Variants in STX7 observed in about 807,000 individuals in gnomAD.
STX7 encodes the protein syntaxin 7, also known as syntaxin-7.
In STX7, 34 loss-of-function variants were observed where a neutral mutation model predicts 39.6. The observed-to-expected ratio is 0.86, with a 90% CI of 0.65 to 1.14. The LOEUF is 1.14. Ranked by LOEUF, STX7 falls within the 50% of genes most tolerant of loss-of-function variation. The probability of loss-of-function intolerance (pLI) is 0.00; values close to 1 mark genes in which losing one functional copy is unlikely to be tolerated. For missense variants in STX7, 284 were observed against 310.4 expected (o/e 0.92, Z 0.64); for synonymous variants, 119 against 99.1 (o/e 1.20, Z -1.19).
chr6:132,500,096 C>T (rs1222684188), intron 2 of STX7, among the ~76,000 whole-genome samples: 3 of 152,212 alleles, frequency 2.0e-5, no homozygotes, highest in African/African-American at 4.8e-5. Context: ...TGCAAGCCAG[C>T]ATCCGAGCTC....
intron 1 of STX7, among the ~76,000 whole-genome samples, chr6:132,504,924 C>G (rs1033457978): frequency 1.3e-5 from 2 of 152,196 alleles, no homozygotes; most frequent in East Asian, 3.9e-4. Flanking sequence ...ACCCAGAGCA[C>G]GTGGAAAGGC....
rs535833825 is a variant in STX7 at position 132,445,994 on chromosome 6, T to G, written c.*14764A>C. 6.6e-6 allele frequency: 1 copy of G among 152,302 alleles called. No homozygotes were observed. The highest frequency in any genetic ancestry group is 1.9e-4 in the East Asian group (1 of 5,190). The allele number at this position is 152,302 out of a possible 1,614,324, so 9.4% of individuals were successfully genotyped here. A position where few individuals can be genotyped will look rare whatever the true frequency, so the allele number is the denominator to read the frequency against. ...TGTTCAAGGTTTCTAAAATTCTCAA[T>G]TCAGCCCTGGATACAAAAACTCTAA... On this transcript the variant is annotated 3_prime_UTR_variant, in exon 10 of 10. Coordinates refer to ENST00000367941, the MANE Select transcript of STX7 (RefSeq NM_003569.3).
rs1774327931 is a variant in STX7 at position 132,459,339 on chromosome 6, C to G, written c.*1419G>C. 2 of 152,252 alleles carry G rather than the reference C, an allele frequency of 1.3e-5. 1 individual carries two copies. Among genetic ancestry groups the G allele is most frequent in the Middle Eastern group, 6.8e-3 (2 of 294 alleles). The allele number at this position is 152,252 out of a possible 1,614,324, so 9.4% of individuals were successfully genotyped here. A position where few individuals can be genotyped will look rare whatever the true frequency, so the allele number is the denominator to read the frequency against. On this transcript the variant is annotated 3_prime_UTR_variant, in exon 10 of 10. Coordinates refer to ENST00000367941, the MANE Select transcript of STX7 (RefSeq NM_003569.3). ...ACCAGTCTGACAAAGTAGGTAAAAT[C>G]GATGACACCCTAAAATAAAAACCTG...
At chr6:132,511,067 G>A (rs1775834649) in intron 1 of STX7, among the ~76,000 whole-genome samples, 1 of 152,140 alleles carries the variant, frequency 6.6e-6, no homozygotes, top group Admixed American at 6.5e-5. Flanking sequence ...AGTTCTGAGG[G>A]GTGGGGGGTG....
At chr6:132,478,957 T>C (rs903877516) in intron 2 of STX7, among the ~76,000 whole-genome samples, 1 of 152,176 alleles carries the variant, frequency 6.6e-6, no homozygotes, top group Non-Finnish European at 1.5e-5. Flanking sequence ...GACACTACAT[T>C]AGTCCAATAC....
intron 1 of STX7, among the ~76,000 whole-genome samples, chr6:132,511,813 G>A (rs1775852463): frequency 6.6e-6 from 1 of 152,084 alleles, no homozygotes; most frequent in Non-Finnish European, 1.5e-5. Flanking sequence ...GACTTACTGT[G>A]AATATTTTCT....
intron 2 of STX7, among the ~76,000 whole-genome samples, chr6:132,486,113 T>A (rs1030308442): frequency 1.3e-5 from 2 of 152,220 alleles, no homozygotes; most frequent in African/African-American, 4.8e-5. Flanking sequence ...AAATTGTAGA[T>A]TCCATCAGAT....
intron 1 of STX7, among the ~76,000 whole-genome samples, chr6:132,505,757 A>AAAAAAAAAAAAC (rs1562341409): frequency 6.9e-6 from 1 of 144,914 alleles, no homozygotes; most frequent in Non-Finnish European, 1.5e-5. Flanking sequence ...AAAAAAAAAA[A>AAAAAAAAAAAAC]AAAAAAACAC....
rs1488365076 is a variant in STX7 at position 132,446,027 on chromosome 6, G to A, written c.*14731C>T. Reference sequence around the variant, plus strand: ...TGGATACAAAAACTCTAAACACAGAGGGTTAAGGTATTAAAGATGAAAGCT... The same window carrying A: ...TGGATACAAAAACTCTAAACACAGAAGGTTAAGGTATTAAAGATGAAAGCT... On this transcript the variant is annotated 3_prime_UTR_variant, in exon 10 of 10. Transcript: ENST00000367941. 2 of 152,138 alleles carry A rather than the reference G, an allele frequency of 1.3e-5. No individual in the cohort carries two copies. The highest frequency in any genetic ancestry group is 4.8e-5 in the African/African-American group (2 of 41,440). 9.4% of individuals were successfully genotyped at this position (152,138 alleles called of 1,614,324 possible).
At chr6:132,480,905 G>A (rs1245046283) in intron 2 of STX7, among the ~76,000 whole-genome samples, 7 of 152,040 alleles carry the variant, frequency 4.6e-5, no homozygotes, top group East Asian at 1.9e-4. Flanking sequence ...TTAACTGTTC[G>A]TCTCCTTCCC....
intron 4 of STX7, 60 bp from the exon 5 acceptor site, chr6:132,471,660 C>T (rs993135994): frequency 6.3e-6 from 10 of 1,585,068 alleles, no homozygotes; most frequent in African/African-American, 2.7e-5. Flanking sequence ...ACTGAATTTG[C>T]GGTAGTTGGC....
chr6:132,476,789 AT>A (rs1562327396), intron 2 of STX7, among the ~76,000 whole-genome samples: 2 of 151,844 alleles, frequency 1.3e-5, no homozygotes, highest in South Asian at 2.1e-4. Context: ...GACTATTGCA[AT>A]TTTTTTAAAA....
At chr6:132,481,373 G>C (rs577068717) in intron 2 of STX7, among the ~76,000 whole-genome samples, 6 of 152,036 alleles carry the variant, frequency 3.9e-5, no homozygotes, top group Non-Finnish European at 2.9e-5. Flanking sequence ...ACTGTTTTAA[G>C]ATTCTTTGAA....
At chr6:132,506,439 G>A (rs553928749) in intron 1 of STX7, among the ~76,000 whole-genome samples, 1 of 152,134 alleles carries the variant, frequency 6.6e-6, no homozygotes, top group East Asian at 1.9e-4. Flanking sequence ...AGGGGGCAAA[G>A]CACATGAATA....
At chr6:132,492,248 A>G (rs1775308145) in intron 2 of STX7, among the ~76,000 whole-genome samples, 1 of 152,046 alleles carries the variant, frequency 6.6e-6, no homozygotes, top group Admixed American at 6.5e-5. Flanking sequence ...CCTTCCTTCA[A>G]ATATGTGCTC....
intron 2 of STX7, among the ~76,000 whole-genome samples, chr6:132,478,974 T>G (rs1774946034): frequency 6.6e-6 from 1 of 152,226 alleles, no homozygotes; most frequent in Admixed American, 6.5e-5. Flanking sequence ...ATACACTGGT[T>G]ACGTCTGCTT....
chr6:132,504,618 T>C (rs1775652859), intron 1 of STX7, among the ~76,000 whole-genome samples: 1 of 152,154 alleles, frequency 6.6e-6, no homozygotes, highest in African/African-American at 2.4e-5. Flanking sequence ...ATGCCCAGCA[T>C]TAAACTAAGC....
At position 132,468,411 on chromosome 6, in the gene STX7, T is replaced by G; in HGVS notation, c.602A>C (p.Asp201Ala). 2 of 1,609,024 alleles carry G rather than the reference T, an allele frequency of 1.2e-6. No homozygotes were observed. The highest frequency in any genetic ancestry group is 1.3e-5 in the African/African-American group (1 of 74,764). ...AAGTCAGCAGGTCTTACCTATTACATCTCCTTGTTCATGAATCATCATTCC... is the reference window on the plus strand; with the variant it reads ...AAGTCAGCAGGTCTTACCTATTACAGCTCCTTGTTCATGAATCATCATTCC... ...DLGMMIHEQG[D>A]VIDSIEANVE... Residue 201 changes from aspartate (D) to alanine (A), a missense_variant, in exon 8 of 10, where the codon GAT becomes GCT. Physicochemically the swap from Asp to Ala is moderately radical, Grantham distance 126. Coordinates refer to ENST00000367941, the MANE Select transcript of STX7 (RefSeq NM_003569.3).
At chr6:132,501,876 T>C (rs904741345) in intron 2 of STX7, among the ~76,000 whole-genome samples, 1 of 150,540 alleles carries the variant, frequency 6.6e-6, no homozygotes, top group Non-Finnish European at 1.5e-5. Context: ...AAGGGAGCCA[T>C]TAAAAAAAAA....
Sources: allele counts gnomAD v4.1 joint callset (sites outside exome capture counted in the v4.1 genomes callset), GRCh38; gene constraint gnomAD v4.1.1; transcripts MANE v1.5; gene names NCBI Gene and HGNC (gene_info 2026-07-23, HGNC 2026-07-21).